RCBTB2: variants seen among roughly 807,000 people sequenced by gnomAD.
RCBTB2 encodes RCC1 and BTB domain-containing protein 2.
RCBTB2 carries 55 observed loss-of-function variants against 65.4 expected under a neutral mutation model. The observed-to-expected ratio is 0.84, with a 90% CI of 0.68 to 1.05. The LOEUF (loss-of-function observed/expected upper bound fraction) is 1.05, where lower values mean the gene tolerates loss of function less well. Ranked by LOEUF, RCBTB2 falls within the 50% of genes least tolerant of loss-of-function variation. The pLI is 0.00. For missense variants in RCBTB2, 599 were observed against 680.1 expected (o/e 0.88, Z 1.33); for synonymous variants, 220 against 255.2 (o/e 0.86, Z 1.31).
At chr13:48,503,289 A>T (rs1950332194) in intron 10 of RCBTB2, among the ~76,000 whole-genome samples, 1 of 152,170 alleles carries the variant, frequency 6.6e-6, no homozygotes, top group Non-Finnish European at 1.5e-5. Flanking sequence ...CCCCTAAAAC[A>T]TCACTTACTG....
intron 4 of RCBTB2, among the ~76,000 whole-genome samples, chr13:48,516,767 T>C (rs1951114376): frequency 6.6e-6 from 1 of 152,196 alleles, no homozygotes; most frequent in Admixed American, 6.5e-5. Context: ...CACACTCCTA[T>C]AAGAGGAAGT....
rs1488055194 is a variant in RCBTB2, at chr13:48,499,140, A to ACT, written c.1384+480_1384+481insAG. On this transcript the variant is annotated intron_variant, in intron 13 of 14. Coordinates refer to ENST00000344532, the MANE Select transcript of RCBTB2 (RefSeq NM_001268.4). ...CACACACACACACACACACACACAC[A>ACT]CACTCTCTCTCTCTCTCTCTCTCTC... is the stretch of plus-strand genomic sequence containing the variant. Among the ~76,000 whole-genome samples the ACT allele has an allele frequency of 6.3e-4, 90 of 142,474 alleles. 1 individual carries two copies. The highest frequency in any genetic ancestry group is 9.5e-4 in the Non-Finnish European group (63 of 66,212). 93.5% of individuals were successfully genotyped at this position (142,474 alleles called of 152,430 possible).
intron 10 of RCBTB2, chr13:48,504,106 C>T (rs933091499): frequency 4.5e-6 from 4 of 889,616 alleles, no homozygotes; most frequent in Admixed American, 6.2e-5. Context: ...AACAAAGATG[C>T]TTTCTTTGTA....
intron 4 of RCBTB2, among the ~76,000 whole-genome samples, chr13:48,519,196 C>T (rs950655333): frequency 1.3e-5 from 2 of 152,166 alleles, no homozygotes; most frequent in African/African-American, 2.4e-5. Context: ...AACTGTGATA[C>T]TGCTGGTAGA....
intron 10 of RCBTB2, among the ~76,000 whole-genome samples, chr13:48,507,130 C>T (rs755943740): frequency 6.6e-6 from 1 of 152,200 alleles, no homozygotes; most frequent in East Asian, 1.9e-4. Context: ...CTGCCCGTCC[C>T]GGGGCATGGC....
At position 48,489,185 on chromosome 13, in the gene RCBTB2, G is replaced by GT. The variant is rs1302857814; in HGVS notation, c.*925dup. On this transcript the variant is annotated 3_prime_UTR_variant, in exon 15 of 15. Coordinates refer to ENST00000344532, the MANE Select transcript of RCBTB2 (RefSeq NM_001268.4). ...TTCTTGTTAATGCTGTCCATGAAAT[G>GT]TAAGTATCAGTTCCTTCTCAGCTAG... 2 of 152,210 alleles carry GT rather than the reference G, an allele frequency of 1.3e-5. No homozygotes were observed. Among genetic ancestry groups the GT allele is most frequent in the African/African-American group, 2.4e-5 (1 of 41,464 alleles). The allele number at this position is 152,210 out of a possible 1,614,324, so 9.4% of individuals were successfully genotyped here. A position where few individuals can be genotyped will look rare whatever the true frequency, so the allele number is the denominator to read the frequency against.
At position 48,512,514 on chromosome 13, in the gene RCBTB2, A is replaced by G. The variant is rs1950858005; in HGVS notation, c.516+215T>C. Among the ~76,000 whole-genome samples the G allele has an allele frequency of 5.3e-5, 8 of 152,328 alleles. No individual in the cohort carries two copies. The South Asian group carries it at 1.7e-3, about 32-fold the overall frequency. On this transcript the variant is annotated intron_variant, in intron 7 of 14. Coordinates refer to ENST00000344532, the MANE Select transcript of RCBTB2 (RefSeq NM_001268.4). ...TTACTACAGCAACAGAGAAGGAACA[A>G]TACCTCCTTTTAAATTTTGCAATTA...
chr13:48,511,177 TAGAC>T (rs1950773050), intron 9 of RCBTB2, among the ~76,000 whole-genome samples: 1 of 152,218 alleles, frequency 6.6e-6, no homozygotes, highest in African/African-American at 2.4e-5. Context: ...TATTTCTATA[TAGAC>T]ATAGAGATAT....
intron 4 of RCBTB2, among the ~76,000 whole-genome samples, chr13:48,521,087 C>T (rs1488879933): frequency 6.6e-6 from 1 of 151,932 alleles, no homozygotes; most frequent in Non-Finnish European, 1.5e-5. Context: ...GAAAGCTGTT[C>T]CTAGGAAAAA....
intron 13 of RCBTB2, among the ~76,000 whole-genome samples, chr13:48,499,111 AACACACAC>A (rs142443945): frequency 3.8e-5 from 4 of 105,916 alleles, no homozygotes; most frequent in East Asian, 2.5e-4. Flanking sequence ...CCCCCACCCC[AACACACAC>A]ACACACACAC....
At chr13:48,534,146 G>A (rs1034062431), upstream of RCBTB2, among the ~76,000 whole-genome samples, 4 of 152,194 alleles carry the variant, frequency 2.6e-5, no homozygotes, top group African/African-American at 9.7e-5. Flanking sequence ...GGTATTTCTT[G>A]TAGAGCTCTA....
chr13:48,513,610 G>A (rs1950925272), intron 6 of RCBTB2, among the ~76,000 whole-genome samples: 1 of 152,110 alleles, frequency 6.6e-6, no homozygotes, highest in Non-Finnish European at 1.5e-5. Flanking sequence ...TGTTCAAACT[G>A]CTACAAAATT....
Position 48,499,655 on chromosome 13 carries a change from T to C in RCBTB2, c.1350A>G (p.Thr450=). 5.0e-6 allele frequency: 8 copies of C among 1,614,132 alleles called. No homozygotes were observed. The highest frequency in any genetic ancestry group is 6.8e-6 in the Non-Finnish European group (8 of 1,180,002). ...CCTCAGGAGAAAGGCTGATGCTGTC[T>C]GTGTATAGGTATTCCAGGAAGGCCC... ...VYRAFLEYLY[T]DSISLSPEEA... The change falls in exon 13 of 15, where the codon ACA becomes ACG. Residue 450 remains threonine (T), a synonymous_variant. Transcript: ENST00000344532.
intron 6 of RCBTB2, among the ~76,000 whole-genome samples, chr13:48,514,229 A>G (rs1203746895): frequency 1.3e-5 from 2 of 152,242 alleles, no homozygotes; most frequent in Non-Finnish European, 2.9e-5. Context: ...CAAGAGAGTC[A>G]ATCTAATAAC....
intron 10 of RCBTB2, among the ~76,000 whole-genome samples, chr13:48,506,999 T>C (rs916513280): frequency 6.6e-6 from 1 of 152,218 alleles, no homozygotes; most frequent in Non-Finnish European, 1.5e-5. Context: ...GTTATTAGCA[T>C]CCATGAAAGA....
chr13:48,532,066 G>A (rs559937245), intron 1 of RCBTB2: 2 of 152,282 alleles, frequency 1.3e-5, no homozygotes, highest in East Asian at 1.9e-4. Flanking sequence ...CGCCAAGCGC[G>A]GTACAAAGTA....
upstream of RCBTB2, chr13:48,533,141 GCGGGATGCGCTCGGGTGCCCGGCCGAGA>G (rs1952277339): frequency 7.5e-6 from 3 of 401,570 alleles, no homozygotes; most frequent in South Asian, 5.1e-5. Context: ...CCCGGCCTCG[GCGGGATGCGCTCGGGTGCCCGGCCGAGA>G]CGGAAACGAA....
chr13:48,510,875 G>C, intron 9 of RCBTB2, 104 bp from the exon 10 acceptor site: 4 of 1,199,686 alleles, frequency 3.3e-6, no homozygotes, highest in Non-Finnish European at 3.5e-6. Context: ...GGAAGAGGCA[G>C]CCTACCCGTA....
At chr13:48,507,609 T>C (rs1213386889) in intron 10 of RCBTB2, among the ~76,000 whole-genome samples, 1 of 152,082 alleles carries the variant, frequency 6.6e-6, no homozygotes, top group East Asian at 1.9e-4. Context: ...GAATAGAAAC[T>C]GGAAAACCTT....
Sources: allele counts gnomAD v4.1 joint callset (sites outside exome capture counted in the v4.1 genomes callset), GRCh38; gene constraint gnomAD v4.1.1; transcripts MANE v1.5; gene names NCBI Gene and HGNC (gene_info 2026-07-23, HGNC 2026-07-21).